The following NAA15 variants were observed in gnomAD, a reference collection of about 807,000 sequenced individuals.
The protein encoded by NAA15 is N-terminal acetyltransferase.
In NAA15, 34 loss-of-function variants were observed where a neutral mutation model predicts 114.0. The observed-to-expected ratio is 0.30, with a 90% confidence interval of 0.23 to 0.40. The LOEUF (loss-of-function observed/expected upper bound fraction) is 0.40, where lower values mean the gene tolerates loss of function less well. Ranked by LOEUF, NAA15 falls within the 10% of genes least tolerant of loss-of-function variation. NAA15 has a pLI of 1.00. For missense variants in NAA15, 658 were observed against 1,004.5 expected (o/e 0.66, Z 4.66); for synonymous variants, 340 against 338.0 (o/e 1.01, Z -0.06).
chr4:139,387,589 G>A (rs1560985099), intron 19 of NAA15, among the ~76,000 whole-genome samples: 1 of 152,212 alleles, frequency 6.6e-6, no homozygotes, highest in African/African-American at 2.4e-5. Flanking sequence ...CGCTTGCTGA[G>A]AGTGAGTGGC....
chr4:139,335,763 GTT>G (rs764188558), intron 2 of NAA15, among the ~76,000 whole-genome samples: 1 of 140,684 alleles, frequency 7.1e-6, no homozygotes, highest in Non-Finnish European at 1.6e-5. Flanking sequence ...TTCATTGAAA[GTT>G]TTTTTTTTTT....
chr4:139,352,111 T>G (rs191201841), intron 9 of NAA15, among the ~76,000 whole-genome samples: 3 of 152,136 alleles, frequency 2.0e-5, no homozygotes, highest in African/African-American at 2.4e-5. Flanking sequence ...TTATTTTAAT[T>G]ATTTTTTTTT....
chr4:139,373,110 G>A (rs1382843732), intron 15 of NAA15, among the ~76,000 whole-genome samples: 7 of 151,916 alleles, frequency 4.6e-5, no homozygotes, highest in Admixed American at 4.6e-4. Context: ...TCAAACTCTT[G>A]GGCTCAAGGG....
At chr4:139,319,959 T>C (rs1474214036) in intron 1 of NAA15, among the ~76,000 whole-genome samples, 1 of 152,254 alleles carries the variant, frequency 6.6e-6, no homozygotes, top group Non-Finnish European at 1.5e-5. Context: ...TTATCTGTTA[T>C]CTTCTTTCTG....
At chr4:139,346,362 G>T (rs1261156092) in intron 6 of NAA15, among the ~76,000 whole-genome samples, 1 of 152,088 alleles carries the variant, frequency 6.6e-6, no homozygotes, top group Admixed American at 6.5e-5. Context: ...CTTTGAGTTA[G>T]GTAATGGGAC....
chr4:139,311,877 C>CTCAG (rs1402675854), intron 1 of NAA15, among the ~76,000 whole-genome samples: 1 of 151,700 alleles, frequency 6.6e-6, no homozygotes, highest in African/African-American at 2.4e-5. Flanking sequence ...ATTGGTTGAG[C>CTCAG]TCAGGAGTTG....
At chr4:139,361,202 C>T (rs1748121933) in intron 13 of NAA15, among the ~76,000 whole-genome samples, 1 of 151,834 alleles carries the variant, frequency 6.6e-6, no homozygotes, top group Non-Finnish European at 1.5e-5. Context: ...TATAGAATAC[C>T]AAAGCTTAGT....
rs759867264 is a variant in NAA15 at position 139,370,279 on chromosome 4, A to G, written c.1822A>G (p.Ile608Val). 6.3e-7 allele frequency: 1 copy of G among 1,592,330 alleles called. No individual in the cohort carries two copies. The highest frequency in any genetic ancestry group is 1.2e-5 in the South Asian group (1 of 86,730). ...AAGAAGAGCTCAAAAGAAAGCCCAG[A>G]TAGAAGAAGAGAAAAAAAATGCAGA... ...KQRRAQKKAQIEEEKKNAEKE... is the reference protein window; with the variant it reads ...KQRRAQKKAQVEEEKKNAEKE... The change falls in exon 15 of 20, where the codon ATA (isoleucine) becomes GTA (valine). Residue 608 changes from isoleucine to valine, a missense_variant. This residue lies in a region of NAA15 where 275 missense variants were observed against 371.1 expected (regional missense o/e 0.74). Coordinates refer to ENST00000296543, the MANE Select transcript of NAA15 (RefSeq NM_057175.5).
At position 139,306,725 on chromosome 4, in the gene NAA15, T is replaced by G. The variant is rs546752379; in HGVS notation, c.54+4894T>G. ...GATGCTATTTGTTTATCTAAAAGTT[T>G]GAGGAGGTTACCAGATATTTATACC... On this transcript the variant is annotated intron_variant, in intron 1 of 19. Transcript: ENST00000296543. Among the ~76,000 whole-genome samples the G allele has an allele frequency of 1.5e-4, 23 of 152,274 alleles. No individual in the cohort carries two copies. The South Asian group carries it at 4.6e-3, about 30-fold the overall frequency.
intron 7 of NAA15, 136 bp from the exon 8 acceptor site, chr4:139,351,055 T>A: frequency 2.2e-6 from 1 of 464,422 alleles, no homozygotes; most frequent in Admixed American, 3.7e-5. Flanking sequence ...GTTGAAATAG[T>A]AGATGTAAGA....
chr4:139,364,228 G>A (rs1047749501), intron 14 of NAA15, among the ~76,000 whole-genome samples: 3 of 151,822 alleles, frequency 2.0e-5, no homozygotes, highest in Non-Finnish European at 4.4e-5. Flanking sequence ...TTTCACTTAG[G>A]TTTTATCCTT....
chr4:139,383,832 A>G (rs1367035534), intron 17 of NAA15, among the ~76,000 whole-genome samples: 1 of 152,196 alleles, frequency 6.6e-6, no homozygotes, highest in Non-Finnish European at 1.5e-5. Flanking sequence ...TGATAGCTCA[A>G]TTTACATAGT....
intron 15 of NAA15, among the ~76,000 whole-genome samples, chr4:139,375,888 C>T (rs2122597): frequency 0.53 from 80,218 of 151,324 alleles, 23,046 homozygotes; most frequent in African/African-American, 0.78. Context: ...TGAATAAATA[C>T]GAATTCCTGT....
intron 11 of NAA15, among the ~76,000 whole-genome samples, chr4:139,358,194 T>C (rs909340179): frequency 6.6e-6 from 1 of 151,152 alleles, no homozygotes; most frequent in Non-Finnish European, 1.5e-5. Flanking sequence ...TGTTTTTGTT[T>C]TTTTTTTTTT....
chr4:139,361,651 C>A, intron 13 of NAA15, 73 bp from the exon 14 acceptor site: 3 of 891,018 alleles, frequency 3.4e-6, no homozygotes, highest in South Asian at 2.0e-5. Context: ...ACAAGTATTC[C>A]AATGCTTTGA....
intron 15 of NAA15, among the ~76,000 whole-genome samples, chr4:139,371,497 G>GCGCGCACACACACA (rs1389164527): frequency 1.8e-5 from 2 of 113,664 alleles, no homozygotes; most frequent in African/African-American, 6.3e-5. Context: ...AAGAAAAGTA[G>GCGCGCACACACACA]CACACACACA....
intron 14 of NAA15, among the ~76,000 whole-genome samples, chr4:139,369,596 G>T (rs1320574381): frequency 6.6e-6 from 1 of 151,946 alleles, no homozygotes; most frequent in Non-Finnish European, 1.5e-5. Flanking sequence ...AAATCAGCCG[G>T]ACGTGGTGGC....
chr4:139,343,311 A>G (rs1242219658), intron 5 of NAA15, among the ~76,000 whole-genome samples: 1 of 152,236 alleles, frequency 6.6e-6, no homozygotes, highest in East Asian at 1.9e-4. Context: ...GGGATAGATT[A>G]TAAAAATTAG....
chr4:139,360,691 A>G (rs1206159351), intron 13 of NAA15, 63 bp downstream of exon 13: 12 of 1,408,860 alleles, frequency 8.5e-6, no homozygotes, highest in East Asian at 2.6e-5. Context: ...GACAAATTTC[A>G]TAGTTTTTTT....
Sources: allele counts gnomAD v4.1 joint callset (sites outside exome capture counted in the v4.1 genomes callset), GRCh38; gene constraint gnomAD v4.1.1; regional missense constraint gnomAD v4.1.1; transcripts MANE v1.5; gene names NCBI Gene and HGNC (gene_info 2026-07-23, HGNC 2026-07-21).